The following RHBDD1 variants were observed in gnomAD, a reference collection of about 807,000 sequenced individuals.
RHBDD1 encodes the protein rhomboid domain containing 1.
In RHBDD1, 38 loss-of-function variants were observed where a neutral mutation model predicts 36.3. The observed-to-expected ratio is 1.05, with a 90% CI of 0.81 to 1.37. The LOEUF is 1.37. Ranked by LOEUF, RHBDD1 falls within the 40% of genes most tolerant of loss-of-function variation. The probability of loss-of-function intolerance (pLI) is 0.00; values close to 1 mark genes in which losing one functional copy is unlikely to be tolerated. For synonymous variants in RHBDD1, 151 were observed against 136.5 expected, an observed-to-expected ratio of 1.11 and a Z score of -0.74; for missense variants, 393 against 377.6, an observed-to-expected ratio of 1.04 and a Z score of -0.34.
At chr2:226,892,858 A>G (rs543651179) in intron 5 of RHBDD1, among the ~76,000 whole-genome samples, 2 of 152,314 alleles carry the variant, frequency 1.3e-5, no homozygotes, top group South Asian at 2.1e-4. Context: ...AAAAAAACCA[A>G]TGTCAGGACC....
chr2:226,927,243 T>A (rs565884177), intron 8 of RHBDD1, among the ~76,000 whole-genome samples: 110 of 151,482 alleles, frequency 7.3e-4, no homozygotes, highest in African/African-American at 2.6e-3. Context: ...TGAGCAAAGT[T>A]TATTTGTTAT....
Position 226,906,845 on chromosome 2 carries a change from C to A in RHBDD1, c.619C>A (p.Gln207Lys), listed in dbSNP as rs1434332938. The A allele has an allele frequency of 2.5e-6, 4 of 1,614,124 alleles. No homozygotes were observed. The South Asian group carries it at 3.3e-5, about 13-fold the overall frequency. The change falls in exon 6 of 9, where the codon CAA becomes AAA. Residue 207 changes from glutamine to lysine, a missense_variant. Physicochemically the swap from Gln to Lys is moderately conservative, Grantham distance 53 (BLOSUM62 1). Coordinates refer to ENST00000392062, the MANE Select transcript of RHBDD1 (RefSeq NM_001167608.3). ...AGILVGLMYTQGPLKKIMEAC... is the reference protein window; with the variant it reads ...AGILVGLMYTKGPLKKIMEAC... ...GATTCTTGTTGGACTAATGTACACTCAAGGGCCTCTGAAGAAAATCATGGA... is the reference window on the plus strand; with the variant it reads ...GATTCTTGTTGGACTAATGTACACTAAAGGGCCTCTGAAGAAAATCATGGA...
At chr2:226,829,381 G>C in the RHBDD1 span, among the ~76,000 whole-genome samples, 2 of 152,094 alleles carry the variant, frequency 1.3e-5, no homozygotes, top group Non-Finnish European at 2.9e-5. Flanking sequence ...ATAGGGACCA[G>C]CTTGTGAAGT....
chr2:226,902,936 A>C lies in RHBDD1; in HGVS notation c.567-3857A>C, dbSNP rs191662613. On this transcript the variant is annotated intron_variant, in intron 5 of 8. Transcript: ENST00000392062. Reference sequence around the variant, plus strand: ...AAATGAGATTCAAGATTAATTGTTTAATAGGTTGAAGTTTTAAATTGAAAC... The same window carrying C: ...AAATGAGATTCAAGATTAATTGTTTCATAGGTTGAAGTTTTAAATTGAAAC... Among the ~76,000 whole-genome samples, 18 of 152,346 alleles carry C rather than the reference A, an allele frequency of 1.2e-4. No individual in the cohort carries two copies. In the East Asian group the frequency reaches 3.3e-3, roughly 28 times the overall value.
intron 8 of RHBDD1, among the ~76,000 whole-genome samples, chr2:226,924,503 A>T (rs1949540300): frequency 6.6e-6 from 1 of 152,148 alleles, no homozygotes; most frequent in South Asian, 2.1e-4. Context: ...ACAAGCACTG[A>T]CTTGGCTGTC....
At chr2:226,984,991 G>A (rs1956628469) in intron 8 of RHBDD1, among the ~76,000 whole-genome samples, 1 of 151,194 alleles carries the variant, frequency 6.6e-6, no homozygotes, top group Non-Finnish European at 1.5e-5. Flanking sequence ...CAAGTGGGGG[G>A]TTTGAGTGAA....
chr2:226,869,362 A>G (rs1172288932), intron 5 of RHBDD1: 1 of 190,438 alleles, frequency 5.3e-6, no homozygotes, highest in Admixed American at 6.5e-5. Flanking sequence ...TACGCTAAAC[A>G]CTGGCCCAGG....
chr2:226,852,173 T>C (rs533200465), intron 3 of RHBDD1, among the ~76,000 whole-genome samples: 20 of 152,354 alleles, frequency 1.3e-4, no homozygotes, highest in Middle Eastern at 3.4e-3. Context: ...ACAGTTTCTT[T>C]TGGTGATTGT....
chr2:226,870,299 C>T (rs1415954885), intron 5 of RHBDD1, among the ~76,000 whole-genome samples: 1 of 152,204 alleles, frequency 6.6e-6, no homozygotes, highest in Non-Finnish European at 1.5e-5. Context: ...AGGAAGTACT[C>T]AACCCTTTTA....
At chr2:226,882,593 G>A (rs1224203132) in intron 5 of RHBDD1, among the ~76,000 whole-genome samples, 1 of 151,592 alleles carries the variant, frequency 6.6e-6, no homozygotes, top group Non-Finnish European at 1.5e-5. Context: ...CAGAAAAATT[G>A]CCAAGATGTA....
chr2:226,994,610 G>A (rs12151848), intron 8 of RHBDD1, among the ~76,000 whole-genome samples: 66,220 of 151,848 alleles, frequency 0.44, 14,543 homozygotes, highest in South Asian at 0.57. Context: ...CTACTTACCC[G>A]TATCTATCAG....
chr2:226,875,050 A>C (rs1945109725), intron 5 of RHBDD1, among the ~76,000 whole-genome samples: 1 of 152,262 alleles, frequency 6.6e-6, no homozygotes, highest in East Asian at 1.9e-4. Context: ...AGATTTATCT[A>C]CCGTAAGCCC....
At chr2:226,927,520 G>A (rs1030347960) in intron 8 of RHBDD1, among the ~76,000 whole-genome samples, 3 of 151,670 alleles carry the variant, frequency 2.0e-5, no homozygotes, top group African/African-American at 7.3e-5. Context: ...GATTATATAT[G>A]GTAAATTTAT....
chr2:226,891,426 A>G (rs1946681051), intron 5 of RHBDD1, among the ~76,000 whole-genome samples: 1 of 152,226 alleles, frequency 6.6e-6, no homozygotes, highest in Admixed American at 6.5e-5. Flanking sequence ...TATTAATAGC[A>G]TAATCATAGA....
intron 8 of RHBDD1, among the ~76,000 whole-genome samples, chr2:226,993,391 A>C (rs543362601): frequency 4.7e-4 from 72 of 152,310 alleles, no homozygotes; most frequent in Middle Eastern, 3.4e-3. Context: ...ATGAGGTGTC[A>C]AGTCCTGGCC....
chr2:226,958,702 C>CTGTGTGTGTGTG lies in RHBDD1; in HGVS notation c.857-36697_857-36686dup, dbSNP rs10666758. Among the ~76,000 whole-genome samples, 160 of 138,932 alleles carry CTGTGTGTGTGTG rather than the reference C, an allele frequency of 1.2e-3. 1 individual carries two copies. Among genetic ancestry groups the CTGTGTGTGTGTG allele is most frequent in the African/African-American group, 3.6e-3 (135 of 37,196 alleles). The allele number at this position is 138,932 out of a possible 152,430, so 91.1% of individuals were successfully genotyped here. A position where few individuals can be genotyped will look rare whatever the true frequency, so the allele number is the denominator to read the frequency against. ...TTTGAGTTTAGGATGAAGGATTTTT[C>CTGTGTGTGTGTG]TGTGTGTGTGTGTGTGTGTGTGTGT... On this transcript the variant is annotated intron_variant, in intron 8 of 8. Transcript: ENST00000392062.
chr2:226,903,975 C>T (rs1947816730), intron 5 of RHBDD1, among the ~76,000 whole-genome samples: 1 of 152,132 alleles, frequency 6.6e-6, no homozygotes, highest in South Asian at 2.1e-4. Flanking sequence ...CAGGGGAAGA[C>T]CATCTTCCCA....
In RHBDD1 at chr2:226,890,989, C is replaced by T. The variant is rs145953289; in HGVS notation, c.567-15804C>T. Among the ~76,000 whole-genome samples the T allele has an allele frequency of 9.5e-4, 144 of 152,282 alleles. 2 individuals are homozygous for T. In the East Asian group the frequency reaches 0.02, roughly 21 times the overall value. ...CTGTTTCTCCCTCCTGGCTCTATCT[C>T]ACTAACCACCCACCCCCAACGCCTG... On this transcript the variant is annotated intron_variant, in intron 5 of 8. Transcript: ENST00000392062.
intron 8 of RHBDD1, chr2:226,988,648 G>C: frequency 7.6e-7 from 1 of 1,319,192 alleles, no homozygotes; most frequent in Non-Finnish European, 9.6e-7. Context: ...GCTTCTGAGA[G>C]GAAGGTAGGA....
Sources: allele counts gnomAD v4.1 joint callset (sites outside exome capture counted in the v4.1 genomes callset), GRCh38; gene constraint gnomAD v4.1.1; transcripts MANE v1.5; gene names NCBI Gene and HGNC (gene_info 2026-07-23, HGNC 2026-07-21).